PON2: variants seen among roughly 807,000 people sequenced by gnomAD.
PON2 encodes the protein serum paraoxonase/arylesterase 2.
Under a neutral mutation model 36.6 loss-of-function variants are expected in PON2, and 27 were observed. The observed-to-expected ratio is 0.74, with a 90% CI of 0.54 to 1.02. The LOEUF (loss-of-function observed/expected upper bound fraction) is 1.02. PON2 is among the 50% of genes least tolerant of loss of function. The pLI, the probability that PON2 is intolerant of heterozygous loss-of-function variation, is 0.00. For synonymous variants in PON2, 149 were observed against 156.3 expected (o/e 0.95, Z 0.35); for missense variants, 363 against 421.1 (o/e 0.86, Z 1.21).
intron 2 of PON2, among the ~76,000 whole-genome samples, chr7:95,422,298 T>A (rs916248025): frequency 1.3e-5 from 2 of 152,262 alleles, no homozygotes; most frequent in African/African-American, 4.8e-5. Context: ...TCAATATATT[T>A]GTTTGCAAAT....
At chr7:95,407,357 T>G (rs1004531584) in intron 6 of PON2, among the ~76,000 whole-genome samples, 1 of 152,124 alleles carries the variant, frequency 6.6e-6, no homozygotes, top group Admixed American at 6.6e-5. Flanking sequence ...GAAATGACAA[T>G]AAAACAAATG....
intron 4 of PON2, among the ~76,000 whole-genome samples, 154 bp from the exon 5 acceptor site, chr7:95,411,933 C>T (rs1388808006): frequency 6.6e-6 from 1 of 152,102 alleles, no homozygotes; most frequent in Non-Finnish European, 1.5e-5. Flanking sequence ...TATTGCTGTC[C>T]GTCTGGTGTT....
intron 1 of PON2, among the ~76,000 whole-genome samples, chr7:95,433,213 A>T (rs1382146923): frequency 6.6e-6 from 1 of 152,234 alleles, no homozygotes; most frequent in Non-Finnish European, 1.5e-5. Context: ...GTAGGTAGAC[A>T]CCATAGTTTA....
intron 1 of PON2, among the ~76,000 whole-genome samples, chr7:95,426,071 C>T (rs1011106587): frequency 5.0e-4 from 76 of 151,872 alleles, no homozygotes; most frequent in Non-Finnish European, 8.4e-4. Context: ...ATAAAGATGA[C>T]GATGGTAGAC....
At chr7:95,428,845 T>C (rs1253516809) in intron 1 of PON2, among the ~76,000 whole-genome samples, 1 of 152,204 alleles carries the variant, frequency 6.6e-6, no homozygotes, top group Non-Finnish European at 1.5e-5. Flanking sequence ...TCTACATAGA[T>C]GACATTTATT....
chr7:95,431,029 T>G (rs540956938), intron 1 of PON2, among the ~76,000 whole-genome samples: 1 of 152,268 alleles, frequency 6.6e-6, no homozygotes, highest in East Asian at 1.9e-4. Context: ...TGGGGGTTCC[T>G]GCCCACGCTT....
intron 1 of PON2, among the ~76,000 whole-genome samples, chr7:95,433,339 A>G (rs1292426822): frequency 6.6e-6 from 1 of 152,036 alleles, no homozygotes; most frequent in East Asian, 1.9e-4. Flanking sequence ...GGCTCAAGCA[A>G]TCTTCTGGCT....
At position 95,409,972 on chromosome 7, in the gene PON2, A is replaced by G; in HGVS notation, c.624T>C (p.Ser208=). 1 of 1,613,914 alleles carries G rather than the reference A, an allele frequency of 6.2e-7. No homozygotes were observed. The highest frequency in any genetic ancestry group is 1.3e-5 in the African/African-American group (1 of 75,006). The change falls in exon 6 of 9, where the codon AGT becomes AGC. Residue 208 remains serine (S), a synonymous_variant. Transcript: ENST00000222572. Reference sequence around the variant, plus strand: ...CTGCTACCACTTTAACTTCATTTGGACTGTAGTAAACAACATTTGCCCAGT... The same window carrying G: ...CTGCTACCACTTTAACTTCATTTGGGCTGTAGTAAACAACATTTGCCCAGT... ...NLHWANVVYY[S]PNEVKVVAEG...
chr7:95,410,002 G>C lies in PON2; in HGVS notation c.594C>G (p.Asn198Lys). The C allele has an allele frequency of 1.2e-6, 2 of 1,613,700 alleles. No individual in the cohort carries two copies. Among genetic ancestry groups the C allele is most frequent in the Non-Finnish European group, 1.7e-6 (2 of 1,179,732 alleles). The change falls in exon 6 of 9, where the codon AAC becomes AAG. Residue 198 changes from asparagine to lysine, a missense_variant. Coordinates refer to ENST00000222572, the MANE Select transcript of PON2 (RefSeq NM_000305.3). The part of the protein sequence containing the change: ...PFLKYLETYL[N>K]LHWANVVYYS... The stretch of plus-strand genomic sequence containing the variant: ...AGTAAACAACATTTGCCCAGTGTAA[G>C]TTCAAGTATGTTTCTAAATACTTTA...
In PON2 at chr7:95,424,576, A is replaced by C. The variant is rs765153350; in HGVS notation, c.84T>G (p.Leu28=). Residue 28 remains leucine (L), a synonymous_variant, in exon 2 of 9, where the codon CTT becomes CTG. Coordinates refer to ENST00000222572, the MANE Select transcript of PON2 (RefSeq NM_000305.3). ...CAGATTCTACTTCTCTGGAGGCTTT[A>C]AGTCGATTTCTGTTACAAAGAAAAA... The part of the protein sequence containing the change: ...GERLLALRNR[L]KASREVESVD... 2 of 1,612,794 alleles carry C rather than the reference A, an allele frequency of 1.2e-6. No homozygotes were observed.
Position 95,405,372 on chromosome 7 carries a change from G to GGTATAA in PON2, c.1022_1023insTTATAC (p.Leu341_Ile342insTyrThr). 1 of 1,613,972 alleles carries GGTATAA rather than the reference G, an allele frequency of 6.2e-7. No individual in the cohort carries two copies. Among genetic ancestry groups the GGTATAA allele is most frequent in the Non-Finnish European group, 8.5e-7 (1 of 1,179,874 alleles). ...AGGCTCTGTGGTATAAAGTGCCTATGAGCAGCTTCCCATCATACACTGAGG... is the reference window on the plus strand; with the variant it reads ...AGGCTCTGTGGTATAAAGTGCCTATGGTATAAAGCAGCTTCCCATCATACACTGAGG... On this transcript the variant is annotated inframe_insertion, in exon 9 of 9. Coordinates refer to ENST00000222572, the MANE Select transcript of PON2 (RefSeq NM_000305.3).
At chr7:95,424,336 GAAAGAAGAATA>G in intron 2 of PON2, 168 bp downstream of exon 2, 1 of 618,304 alleles carries the variant, frequency 1.6e-6, no homozygotes, top group Non-Finnish European at 2.9e-6. Context: ...GTGAGGGTAG[GAAAGAAGAATA>G]AATACAGGGT....
intron 3 of PON2, among the ~76,000 whole-genome samples, chr7:95,413,959 C>T (rs922019579): frequency 2.6e-5 from 4 of 152,178 alleles, no homozygotes; most frequent in African/African-American, 9.7e-5. Context: ...GATTTACATG[C>T]AAAGGAAGCA....
chr7:95,405,304 T>C lies in PON2; in HGVS notation c.*26A>G, dbSNP rs761540928. The C allele has an allele frequency of 8.1e-6, 13 of 1,610,370 alleles. No homozygotes were observed. Among genetic ancestry groups the C allele is most frequent in the African/African-American group, 1.3e-5 (1 of 74,960 alleles). The stretch of plus-strand genomic sequence containing the variant: ...TCATAGAAAATTAATTGTTAAGTTA[T>C]CGCACTTTCATGCCAAAAGTACAAT... On this transcript the variant is annotated 3_prime_UTR_variant, in exon 9 of 9. Coordinates refer to ENST00000222572, the MANE Select transcript of PON2 (RefSeq NM_000305.3).
At chr7:95,406,840 C>G (rs1034956653) in intron 7 of PON2, 147 bp downstream of exon 7, 1 of 569,830 alleles carries the variant, frequency 1.8e-6, no homozygotes, top group Non-Finnish European at 3.1e-6. Flanking sequence ...GAAACAGGAG[C>G]TTTCTCTAGT....
At chr7:95,426,359 GAAAT>G (rs1186109545) in intron 1 of PON2, among the ~76,000 whole-genome samples, 2 of 152,062 alleles carry the variant, frequency 1.3e-5, no homozygotes, top group African/African-American at 4.8e-5. Context: ...GTGGTCAAAG[GAAAT>G]AAATAATAAA....
chr7:95,417,312 C>T (rs1367725574), intron 2 of PON2, among the ~76,000 whole-genome samples: 1 of 152,032 alleles, frequency 6.6e-6, no homozygotes, highest in Non-Finnish European at 1.5e-5. Flanking sequence ...AATAAAAATG[C>T]CAAGAACTTC....
chr7:95,426,451 G>A (rs1434713898), intron 1 of PON2, among the ~76,000 whole-genome samples: 1 of 152,190 alleles, frequency 6.6e-6, no homozygotes, highest in African/African-American at 2.4e-5. Context: ...TGTAAATTAG[G>A]TAGCATTATT....
Position 95,434,874 on chromosome 7 carries a change from C to A in PON2, c.74+4G>T. ...GAGGAGGGGCGCGCGGGAGTCCCAC[C>A]TACCTGAGTGCCAGAAGCCTCTCGC... On this transcript the variant is annotated splice_donor_region_variant and intron_variant, in intron 1 of 8. Coordinates refer to ENST00000222572, the MANE Select transcript of PON2 (RefSeq NM_000305.3). 2 of 1,540,288 alleles carry A rather than the reference C, an allele frequency of 1.3e-6. No homozygotes were observed. Among genetic ancestry groups the A allele is most frequent in the Non-Finnish European group, 1.7e-6 (2 of 1,145,160 alleles).
Sources: gnomAD v4.1 joint callset for allele counts (sites outside exome capture counted in the v4.1 genomes callset) on GRCh38, gnomAD v4.1.1 for gene constraint, MANE v1.5 for transcripts, NCBI Gene and HGNC (gene_info 2026-07-23, HGNC 2026-07-21) for gene names.